MRPL3: variants seen among roughly 807,000 people sequenced by gnomAD.
The protein encoded by MRPL3 is large ribosomal subunit protein uL3m.
Under a neutral mutation model 44.3 loss-of-function variants are expected in MRPL3, and 43 were observed. The ratio of observed to expected loss-of-function variants is 0.97; its 90% CI spans 0.76 to 1.25. MRPL3 has a LOEUF of 1.25. Ranked by LOEUF, MRPL3 falls within the 50% of genes most tolerant of loss-of-function variation. The pLI is 0.00. For synonymous variants in MRPL3, 171 were observed against 152.3 expected (o/e 1.12, Z -0.91); for missense variants, 406 against 427.6 (o/e 0.95, Z 0.45).
rs140531329 is a variant in MRPL3, at chr3:131,501,613, G to A, written c.195C>T (p.Val65=). 13 of 1,612,494 alleles carry A rather than the reference G, an allele frequency of 8.1e-6. No homozygotes were observed. Among genetic ancestry groups the A allele is most frequent in the Admixed American group, 1.7e-5 (1 of 60,002 alleles). ...CTAATTGGGCTTTATCTTCATCAGA[G>A]ACCAACTGCTTAATGAATGGGACAT... ...EENVPFIKQL[V]SDEDKAQLAS... The change falls in exon 2 of 10, where the codon GTC becomes GTT. Residue 65 remains valine, a synonymous_variant. Coordinates refer to ENST00000264995, the MANE Select transcript of MRPL3 (RefSeq NM_007208.4).
intron 6 of MRPL3, among the ~76,000 whole-genome samples, chr3:131,473,590 A>G (rs1429335426): frequency 6.6e-6 from 1 of 152,146 alleles, no homozygotes; most frequent in Non-Finnish European, 1.5e-5. Context: ...GAAACAAAGC[A>G]AAGAGACAAC....
rs752324759 is a variant in MRPL3, at chr3:131,462,707, G to A, written c.*16C>T. ...AAGCTCACAGAATATGTAAGGTTCT[G>A]CCACGTCCAAAGATGTTAGGCAAAT... On this transcript the variant is annotated 3_prime_UTR_variant, in exon 10 of 10. Coordinates refer to ENST00000264995, the MANE Select transcript of MRPL3 (RefSeq NM_007208.4). The A allele has an allele frequency of 1.9e-6, 3 of 1,606,632 alleles. No individual in the cohort carries two copies. Among genetic ancestry groups the A allele is most frequent in the Non-Finnish European group, 2.6e-6 (3 of 1,175,368 alleles).
chr3:131,482,250 C>T (rs1488839352), intron 6 of MRPL3, among the ~76,000 whole-genome samples: 1 of 152,132 alleles, frequency 6.6e-6, no homozygotes, highest in Non-Finnish European at 1.5e-5. Flanking sequence ...GGCATGGTGG[C>T]TCATGCCTGT....
intron 6 of MRPL3, among the ~76,000 whole-genome samples, chr3:131,476,415 A>T (rs1359795855): frequency 2.0e-5 from 3 of 152,296 alleles, no homozygotes; most frequent in Admixed American, 1.3e-4. Context: ...ACTAATCTAT[A>T]CTTAGTATAG....
intron 9 of MRPL3, among the ~76,000 whole-genome samples, chr3:131,463,588 A>G (rs1383805387): frequency 6.6e-6 from 1 of 152,132 alleles, no homozygotes; most frequent in Non-Finnish European, 1.5e-5. Flanking sequence ...ATGCAGCACA[A>G]TGTATGTCAG....
chr3:131,467,591 A>G (rs1034381456), intron 9 of MRPL3, among the ~76,000 whole-genome samples: 1 of 150,764 alleles, frequency 6.6e-6, no homozygotes, highest in African/African-American at 2.4e-5. Context: ...AATGTGTAGC[A>G]CCTCCCCCTT....
intron 6 of MRPL3, among the ~76,000 whole-genome samples, chr3:131,486,364 C>CA (rs36151946): frequency 0.015 from 702 of 46,698 alleles, 33 homozygotes; most frequent in East Asian, 0.056. Flanking sequence ...TTCTGCACGG[C>CA]AAAAAAAAAA....
intron 1 of MRPL3, 133 bp downstream of exon 1, chr3:131,502,597 G>A (rs1934522437): frequency 5.7e-6 from 4 of 696,718 alleles, no homozygotes; most frequent in African/African-American, 1.8e-5. Flanking sequence ...TAGGTTAACG[G>A]CCCTTATTCT....
At chr3:131,478,734 A>C (rs1291137799) in intron 6 of MRPL3, among the ~76,000 whole-genome samples, 4 of 141,138 alleles carry the variant, frequency 2.8e-5, no homozygotes, top group Non-Finnish European at 3.0e-5. Flanking sequence ...TTTGAGACAG[A>C]CTCTCGCTCT....
At chr3:131,497,478 GAA>G (rs1426867346) in intron 4 of MRPL3, among the ~76,000 whole-genome samples, 1 of 148,280 alleles carries the variant, frequency 6.7e-6, no homozygotes, top group African/African-American at 2.4e-5. Flanking sequence ...AGTTTACAAT[GAA>G]AAAAAAGTTT....
chr3:131,488,123 T>C (rs1309750315), intron 5 of MRPL3, among the ~76,000 whole-genome samples: 1 of 152,218 alleles, frequency 6.6e-6, no homozygotes, highest in Non-Finnish European at 1.5e-5. Flanking sequence ...TTAAATATCC[T>C]GCACCCATTG....
At chr3:131,462,985 A>T in intron 9 of MRPL3, 110 bp from the exon 10 acceptor site, 1 of 870,918 alleles carries the variant, frequency 1.1e-6, no homozygotes, top group South Asian at 2.1e-5. Flanking sequence ...TCTAATGTGA[A>T]TAACACAACT....
chr3:131,490,056 A>G lies in MRPL3; in HGVS notation c.493T>C (p.Tyr165His). Residue 165 changes from tyrosine (Y) to histidine (H), a missense_variant, in exon 5 of 10, where the codon TAC becomes CAC. Tyr to His is a moderately conservative substitution (Grantham distance 83). Transcript: ENST00000264995. ...TTCGGCGGCAATCCAAGTTCCCGGTAAAATTCCAATATGGATGTAGCTTTC... is the reference window on the plus strand; with the variant it reads ...TTCGGCGGCAATCCAAGTTCCCGGTGAAATTCCAATATGGATGTAGCTTTC... ...FRKATSILEF[Y>H]RELGLPPKQT... 2.5e-6 allele frequency: 4 copies of G among 1,610,242 alleles called. No individual in the cohort carries two copies. The highest frequency in any genetic ancestry group is 2.5e-6 in the Non-Finnish European group (3 of 1,176,774).
intron 9 of MRPL3, among the ~76,000 whole-genome samples, 180 bp downstream of exon 9, chr3:131,467,911 T>C (rs1933652315): frequency 6.6e-6 from 1 of 152,062 alleles, no homozygotes; most frequent in African/African-American, 2.4e-5. Context: ...AGCAGAAAGA[T>C]TCAGGAGAGA....
At chr3:131,490,101 A>C in intron 4 of MRPL3, 21 bp from the exon 5 acceptor site, 1 of 1,486,444 alleles carries the variant, frequency 6.7e-7, no homozygotes, top group Non-Finnish European at 9.4e-7. Flanking sequence ...AGCAGCACAT[A>C]TAAGTAATAC....
chr3:131,500,357 G>A, intron 3 of MRPL3, 73 bp downstream of exon 3: 1 of 1,209,470 alleles, frequency 8.3e-7, no homozygotes. Context: ...GACACAAATA[G>A]TTCTTGTTAA....
Position 131,490,094 on chromosome 3 carries a change from A to G in MRPL3, c.469-14T>C. 6.6e-7 allele frequency: 1 copy of G among 1,523,946 alleles called. No homozygotes were observed. The highest frequency in any genetic ancestry group is 9.1e-7 in the Non-Finnish European group (1 of 1,098,688). 94.4% of individuals were successfully genotyped at this position (1,523,946 alleles called of 1,614,324 possible). A position where few individuals can be genotyped will look rare whatever the true frequency, so the allele number is the denominator to read the frequency against. On this transcript the variant is annotated splice_polypyrimidine_tract_variant and intron_variant, in intron 4 of 9. Coordinates refer to ENST00000264995, the MANE Select transcript of MRPL3 (RefSeq NM_007208.4). The stretch of plus-strand genomic sequence containing the variant: ...GGATGTAGCTTTCTAGAGGAAAAGC[A>G]GCACATATAAGTAATACATTGAATA...
intron 4 of MRPL3, among the ~76,000 whole-genome samples, chr3:131,495,263 T>C (rs1464046094): frequency 6.6e-6 from 1 of 152,140 alleles, no homozygotes; most frequent in Middle Eastern, 3.2e-3. Context: ...AATATGGAAG[T>C]CTGGATACTT....
At chr3:131,465,904 T>TG (rs1559810809) in intron 9 of MRPL3, among the ~76,000 whole-genome samples, 1 of 150,956 alleles carries the variant, frequency 6.6e-6, no homozygotes, top group Non-Finnish European at 1.5e-5. Context: ...TTTTTTTTTT[T>TG]TTTGTTTTTT....
Sources: gnomAD v4.1 joint callset for allele counts (sites outside exome capture counted in the v4.1 genomes callset) on GRCh38, gnomAD v4.1.1 for gene constraint, MANE v1.5 for transcripts, NCBI Gene and HGNC (gene_info 2026-07-23, HGNC 2026-07-21) for gene names.